Variants in ADAMTS20 observed in about 807,000 individuals in gnomAD.
ADAMTS20 encodes ADAM metallopeptidase with thrombospondin type 1 motif 20.
A neutral mutation model predicts 260.1 loss-of-function variants in ADAMTS20; 225 were observed. The observed-to-expected ratio is 0.87, with a 90% CI of 0.78 to 0.97. ADAMTS20 has a LOEUF of 0.97. Among genes scored for constraint, ADAMTS20 ranks in the 50% least tolerant of loss-of-function variants. ADAMTS20 has a pLI of 0.00. For synonymous variants in ADAMTS20, 802 were observed against 769.5 expected (o/e 1.04, Z -0.70); for missense variants, 2,400 against 2,337.7 (o/e 1.03, Z -0.55).
At chr12:43,460,990 T>TATATATATA (rs1942054178) in intron 11 of ADAMTS20, among the ~76,000 whole-genome samples, 2 of 27,824 alleles carry the variant, frequency 7.2e-5, no homozygotes, top group African/African-American at 2.2e-4. Context: ...ATATATATAT[T>TATATATATA]TTTTTTTTTT....
At chr12:43,487,592 A>G (rs917914679) in intron 7 of ADAMTS20, among the ~76,000 whole-genome samples, 2 of 152,158 alleles carry the variant, frequency 1.3e-5, no homozygotes, top group Admixed American at 6.5e-5. Flanking sequence ...AAAAAAATTA[A>G]TAAATTAAAA....
chr12:43,375,172 C>CAAAAAA (rs58169338), intron 36 of ADAMTS20, among the ~76,000 whole-genome samples: 2 of 62,312 alleles, frequency 3.2e-5, no homozygotes, highest in African/African-American at 6.7e-5. Context: ...AACTGCGTCT[C>CAAAAAA]AAAAAAAAAA....
chr12:43,426,418 T>G (rs972331321), intron 27 of ADAMTS20, among the ~76,000 whole-genome samples: 3 of 152,198 alleles, frequency 2.0e-5, no homozygotes, highest in African/African-American at 7.2e-5. Flanking sequence ...AAAAACATGG[T>G]TTCAAACTCC....
chr12:43,438,962 G>A (rs1453788403), intron 18 of ADAMTS20, among the ~76,000 whole-genome samples: 1 of 152,070 alleles, frequency 6.6e-6, no homozygotes, highest in Non-Finnish European at 1.5e-5. Flanking sequence ...AATAAAACAT[G>A]AATTCAGAAT....
chr12:43,418,596 A>C (rs533978688), intron 28 of ADAMTS20, among the ~76,000 whole-genome samples: 1 of 152,368 alleles, frequency 6.6e-6, no homozygotes, highest in South Asian at 2.1e-4. Flanking sequence ...GGCATGAGCC[A>C]CTGCACCCAG....
At chr12:43,470,669 C>A (rs1007252647) in intron 7 of ADAMTS20, among the ~76,000 whole-genome samples, 1 of 152,152 alleles carries the variant, frequency 6.6e-6, no homozygotes, top group African/African-American at 2.4e-5. Flanking sequence ...TCTAGCCATC[C>A]TGAAGAATGA....
intron 28 of ADAMTS20, among the ~76,000 whole-genome samples, chr12:43,415,474 G>A (rs1006548599): frequency 1.3e-5 from 2 of 151,962 alleles, no homozygotes; most frequent in Non-Finnish European, 2.9e-5. Context: ...TACTATATTT[G>A]GATTTCTAAC....
At chr12:43,366,406 T>C (rs769699849) in intron 37 of ADAMTS20, among the ~76,000 whole-genome samples, 4 of 151,750 alleles carry the variant, frequency 2.6e-5, no homozygotes, top group Admixed American at 6.6e-5. Context: ...TTTCAGCAGA[T>C]AGAACTAAGC....
intron 4 of ADAMTS20, among the ~76,000 whole-genome samples, chr12:43,495,506 G>A (rs181026238): frequency 3.0e-3 from 458 of 152,204 alleles, no homozygotes; most frequent in South Asian, 1.0e-2. Context: ...CAGAAGAAAA[G>A]GCATAATACA....
At chr12:43,440,695 C>A (rs1413113728) in intron 16 of ADAMTS20, among the ~76,000 whole-genome samples, 1 of 152,024 alleles carries the variant, frequency 6.6e-6, no homozygotes, top group African/African-American at 2.4e-5. Flanking sequence ...AGTCATGACC[C>A]CAGCAGACAG....
At chr12:43,476,714 A>G (rs1177449671) in intron 7 of ADAMTS20, among the ~76,000 whole-genome samples, 2 of 124,678 alleles carry the variant, frequency 1.6e-5, no homozygotes, top group Non-Finnish European at 3.3e-5. Flanking sequence ...ATGAAATTGG[A>G]AATCATCATT....
At chr12:43,399,404 G>A (rs1036653499) in intron 28 of ADAMTS20, among the ~76,000 whole-genome samples, 171 bp from the exon 29 acceptor site, 1 of 151,986 alleles carries the variant, frequency 6.6e-6, no homozygotes, top group African/African-American at 2.4e-5. Context: ...ATCTGCTCTG[G>A]ACCATCAATT....
intron 28 of ADAMTS20, among the ~76,000 whole-genome samples, chr12:43,417,731 G>T (rs907875121): frequency 2.0e-5 from 3 of 152,122 alleles, no homozygotes; most frequent in African/African-American, 7.2e-5. Context: ...TATTTTTTAG[G>T]ACATATACTC....
Position 43,428,234 on chromosome 12 carries a change from G to A in ADAMTS20, c.3945+7C>T. The A allele has an allele frequency of 6.2e-7, 1 of 1,612,482 alleles. No homozygotes were observed. The highest frequency in any genetic ancestry group is 8.5e-7 in the Non-Finnish European group (1 of 1,179,128). On this transcript the variant is annotated splice_region_variant and intron_variant, in intron 26 of 38. Transcript: ENST00000389420. ...AGAATTAATATAACTCAATAAAGAT[G>A]GCTTACTGATCCCCATGGTCCGGTT...
intron 11 of ADAMTS20, among the ~76,000 whole-genome samples, chr12:43,462,112 G>A (rs1407202887): frequency 2.0e-5 from 3 of 152,220 alleles, no homozygotes; most frequent in African/African-American, 4.8e-5. Context: ...TAAAGGCAAA[G>A]TTCAGCTACT....
chr12:43,376,460 A>AT, intron 33 of ADAMTS20, 64 bp downstream of exon 33: 1 of 1,532,550 alleles, frequency 6.5e-7, no homozygotes. Context: ...TACTACAGAT[A>AT]TTTATTTTAA....
intron 2 of ADAMTS20, among the ~76,000 whole-genome samples, chr12:43,536,018 G>C (rs974330389): frequency 2.8e-4 from 42 of 151,990 alleles, no homozygotes; most frequent in African/African-American, 9.4e-4. Flanking sequence ...TCATCCAAGG[G>C]AGGCATTTAT....
At chr12:43,468,205 G>A (rs1001448668) in intron 8 of ADAMTS20, among the ~76,000 whole-genome samples, 2 of 152,206 alleles carry the variant, frequency 1.3e-5, no homozygotes, top group African/African-American at 4.8e-5. Flanking sequence ...ATTACTGAGA[G>A]CAAGAAATGA....
At chr12:43,488,096 T>A (rs1942549977) in intron 7 of ADAMTS20, among the ~76,000 whole-genome samples, 1 of 151,208 alleles carries the variant, frequency 6.6e-6, no homozygotes, top group Non-Finnish European at 1.5e-5. Flanking sequence ...GTTTTTGTGT[T>A]GTTGTTTTTA....
Sources: gnomAD v4.1 joint callset for allele counts (sites outside exome capture counted in the v4.1 genomes callset) on GRCh38, gnomAD v4.1.1 for gene constraint, MANE v1.5 for transcripts, NCBI Gene and HGNC (gene_info 2026-07-23, HGNC 2026-07-21) for gene names.